ASIP: variants seen among roughly 807,000 people sequenced by gnomAD.
ASIP encodes agouti signaling protein, also known as agouti-signaling protein.
ASIP carries 11 observed loss-of-function variants against 10.3 expected under a neutral mutation model. That is an observed-to-expected ratio of 1.07 (90% confidence interval 0.68 to 1.78). The LOEUF is 1.78. Among genes scored for constraint, ASIP ranks in the 40% most tolerant of loss-of-function variants. ASIP has a pLI of 0.00. For missense variants in ASIP, 180 were observed against 169.2 expected, an observed-to-expected ratio of 1.06 and a Z score of -0.35; for synonymous variants, 70 against 70.8, an observed-to-expected ratio of 0.99 and a Z score of 0.06.
At chr20:34,236,974 C>T (rs1479979158), upstream of ASIP, among the ~76,000 whole-genome samples, 3 of 152,248 alleles carry the variant, frequency 2.0e-5, no homozygotes, top group South Asian at 2.1e-4. Context: ...CTTATTTCCC[C>T]CATTAAATGG....
At chr20:34,233,146 T>TTA (rs1180666882) in intron 1 of ASIP, among the ~76,000 whole-genome samples, 1 of 143,316 alleles carries the variant, frequency 7.0e-6, no homozygotes, top group Non-Finnish European at 1.5e-5. Context: ...ACAAGAGCTT[T>TTA]TTTTTTTTTT....
At chr20:34,200,843 A>G (rs752263791) in intron 1 of ASIP, among the ~76,000 whole-genome samples, 3 of 152,042 alleles carry the variant, frequency 2.0e-5, no homozygotes, top group Non-Finnish European at 2.9e-5. Context: ...TTTCCCCCCT[A>G]TGGTTTGTTC....
At chr20:34,255,608 G>T (rs951979244) in intron 1 of ASIP, among the ~76,000 whole-genome samples, 1 of 152,158 alleles carries the variant, frequency 6.6e-6, no homozygotes, top group Non-Finnish European at 1.5e-5. Context: ...TTAGTTTGTA[G>T]CATTACTCTT....
chr20:34,200,198 G>A (rs2034883597), intron 1 of ASIP, among the ~76,000 whole-genome samples: 1 of 152,128 alleles, frequency 6.6e-6, no homozygotes, highest in South Asian at 2.1e-4. Flanking sequence ...GAAGTAACTG[G>A]TTCCTTTTTT....
At chr20:34,223,283 C>G (rs2035064105) in intron 1 of ASIP, among the ~76,000 whole-genome samples, 1 of 151,382 alleles carries the variant, frequency 6.6e-6, no homozygotes, top group Non-Finnish European at 1.5e-5. Context: ...CCCTGCCGCC[C>G]CGTCTGGGAT....
chr20:34,269,268 G>C lies in ASIP; in HGVS notation c.*101G>C. 2.9e-6 allele frequency: 4 copies of C among 1,378,846 alleles called. No homozygotes were observed. Among genetic ancestry groups the C allele is most frequent in the Non-Finnish European group, 3.8e-6 (4 of 1,058,242 alleles). 85.4% of individuals were successfully genotyped at this position (1,378,846 alleles called of 1,614,324 possible). On this transcript the variant is annotated 3_prime_UTR_variant, in exon 4 of 4. Coordinates refer to ENST00000374954, the MANE Select transcript of ASIP (RefSeq NM_001672.3). Reference sequence around the variant, plus strand: ...GGGCGGCTTCCCAGGGCTGCAGGCGGGCGGAGGTTCCAGGAGATGGGACTT... The same window carrying C: ...GGGCGGCTTCCCAGGGCTGCAGGCGCGCGGAGGTTCCAGGAGATGGGACTT...
intron 1 of ASIP, among the ~76,000 whole-genome samples, chr20:34,207,866 T>G (rs963383620): frequency 6.6e-6 from 1 of 152,100 alleles, no homozygotes; most frequent in African/African-American, 2.4e-5. Context: ...CTGGGCTCAC[T>G]GCAAGCTCCG....
intron 3 of ASIP, among the ~76,000 whole-genome samples, chr20:34,263,838 T>G (rs1161716076): frequency 6.6e-6 from 1 of 151,724 alleles, no homozygotes; most frequent in Non-Finnish European, 1.5e-5. Flanking sequence ...CCAGCTAATG[T>G]TTTTGTATTT....
chr20:34,244,617 C>T (rs1243538171), intron 1 of ASIP, among the ~76,000 whole-genome samples: 3 of 152,194 alleles, frequency 2.0e-5, no homozygotes, highest in African/African-American at 7.2e-5. Flanking sequence ...TGCAATTTTT[C>T]ATTATAAATA....
chr20:34,238,923 A>G (rs1456551751), upstream of ASIP, among the ~76,000 whole-genome samples: 2 of 152,184 alleles, frequency 1.3e-5, no homozygotes, highest in Admixed American at 6.5e-5. Context: ...CAAGCCTTCA[A>G]TAGACTCCAT....
chr20:34,267,573 C>T (rs951212038), intron 3 of ASIP, among the ~76,000 whole-genome samples: 2 of 150,960 alleles, frequency 1.3e-5, no homozygotes, highest in Non-Finnish European at 2.9e-5. Context: ...CTCTTGTTGC[C>T]CAGGCTGGAG....
At chr20:34,196,389 G>T (rs926943371) in intron 1 of ASIP, among the ~76,000 whole-genome samples, 13 of 151,798 alleles carry the variant, frequency 8.6e-5, no homozygotes, top group Non-Finnish European at 2.9e-5. Flanking sequence ...TAGCCAGGAT[G>T]GTCTCGATCT....
intron 1 of ASIP, among the ~76,000 whole-genome samples, chr20:34,245,190 T>C (rs1179308530): frequency 1.3e-5 from 2 of 150,950 alleles, no homozygotes; most frequent in Non-Finnish European, 3.0e-5. Flanking sequence ...AAAAATTAGC[T>C]GGGCGTGGTG....
intron 1 of ASIP, among the ~76,000 whole-genome samples, chr20:34,208,059 G>T (rs2034949130): frequency 6.6e-6 from 1 of 152,106 alleles, no homozygotes; most frequent in Non-Finnish European, 1.5e-5. Flanking sequence ...TTACAGGTGT[G>T]AGCCACCACA....
chr20:34,259,297 G>A (rs1055312612), intron 1 of ASIP, among the ~76,000 whole-genome samples: 5 of 152,008 alleles, frequency 3.3e-5, no homozygotes, highest in Admixed American at 2.6e-4. Context: ...CGGATCACTT[G>A]AGGACAAGAG....
At chr20:34,220,295 A>G (rs1448051491) in intron 1 of ASIP, among the ~76,000 whole-genome samples, 1 of 151,632 alleles carries the variant, frequency 6.6e-6, no homozygotes, top group African/African-American at 2.4e-5. Flanking sequence ...ACAAGAGATT[A>G]AGTTAAAAGT....
In ASIP at chr20:34,215,854, A is replaced by G; in HGVS notation, c.-11+21094A>G. The G allele has an allele frequency of 9.3e-6, 12 of 1,294,158 alleles. No individual in the cohort carries two copies. The South Asian group carries it at 1.4e-4, about 15-fold the overall frequency. The allele number at this position is 1,294,158 out of a possible 1,614,324, so 80.2% of individuals were successfully genotyped here. ...GGGCCCTTAGTCTAAAGTCTGAATC[A>G]GCATTTGGATTTAGCCCTAATAGAG... is the stretch of plus-strand genomic sequence containing the variant. On this transcript the variant is annotated intron_variant, in intron 1 of 3. Coordinates refer to the ASIP transcript ENST00000568305.
At chr20:34,203,708 G>A (rs560504040) in intron 1 of ASIP, among the ~76,000 whole-genome samples, 22 of 151,976 alleles carry the variant, frequency 1.4e-4, no homozygotes, top group Admixed American at 1.1e-3. Context: ...TATAAGTGGC[G>A]TATTTTAATT....
At chr20:34,218,869 T>G (rs1045738432) in intron 1 of ASIP, among the ~76,000 whole-genome samples, 3 of 152,034 alleles carry the variant, frequency 2.0e-5, no homozygotes, top group Non-Finnish European at 4.4e-5. Context: ...TTCACCATGT[T>G]AGCCAGGATG....
Sources: gnomAD v4.1 joint callset for allele counts (sites outside exome capture counted in the v4.1 genomes callset) on GRCh38, gnomAD v4.1.1 for gene constraint, MANE v1.5 for transcripts, NCBI Gene and HGNC (gene_info 2026-07-23, HGNC 2026-07-21) for gene names.